DPH6: variants seen among roughly 807,000 people sequenced by gnomAD.
DPH6 encodes diphthine--ammonia ligase.
Under a neutral mutation model 38.2 loss-of-function variants are expected in DPH6, and 33 were observed. The ratio of observed to expected loss-of-function variants is 0.86; its 90% CI spans 0.65 to 1.15. DPH6 has a LOEUF of 1.15. Ranked by LOEUF, DPH6 falls within the 50% of genes most tolerant of loss-of-function variation. The pLI is 0.00. For synonymous variants in DPH6, 108 were observed against 103.0 expected (o/e 1.05, Z -0.30); for missense variants, 325 against 320.0 (o/e 1.02, Z -0.12).
intron 3 of DPH6, among the ~76,000 whole-genome samples, chr15:35,241,565 C>T (rs2051599245): frequency 7.0e-6 from 1 of 142,644 alleles, no homozygotes; most frequent in African/African-American, 2.5e-5. Flanking sequence ...TTATCTGCTT[C>T]CCTGACTATT....
At chr15:35,285,092 G>T (rs1038266292) in intron 3 of DPH6, among the ~76,000 whole-genome samples, 2 of 152,026 alleles carry the variant, frequency 1.3e-5, no homozygotes, top group African/African-American at 4.8e-5. Flanking sequence ...TTACAGGTGT[G>T]AGCCACCATG....
intron 3 of DPH6, among the ~76,000 whole-genome samples, chr15:35,241,063 C>T (rs2051594676): frequency 7.0e-6 from 1 of 143,002 alleles, no homozygotes; most frequent in Non-Finnish European, 1.5e-5. Context: ...GAAATCTGAC[C>T]ACCAGGCCAA....
At chr15:35,234,141 G>A (rs1281243457) in intron 3 of DPH6, among the ~76,000 whole-genome samples, 1 of 152,188 alleles carries the variant, frequency 6.6e-6, no homozygotes, top group African/African-American at 2.4e-5. Flanking sequence ...ATGAAGAAAT[G>A]GCTAGGAAGT....
chr15:35,214,106 C>T (rs1194900117), downstream of DPH6, among the ~76,000 whole-genome samples: 1 of 141,974 alleles, frequency 7.0e-6, no homozygotes, highest in Non-Finnish European at 1.5e-5. Flanking sequence ...AGCGAGACTC[C>T]GTCTCAAAAA....
chr15:35,466,860 T>C (rs2054132616), intron 3 of DPH6, among the ~76,000 whole-genome samples: 1 of 152,110 alleles, frequency 6.6e-6, no homozygotes, highest in Admixed American at 6.5e-5. Flanking sequence ...AAAAGTACAG[T>C]AAAAATACAA....
At chr15:35,317,084 C>T (rs914448523) in intron 3 of DPH6, among the ~76,000 whole-genome samples, 1 of 151,922 alleles carries the variant, frequency 6.6e-6, no homozygotes, top group African/African-American at 2.4e-5. Flanking sequence ...ATGGTGAAAC[C>T]CTATCTCTAC....
chr15:35,446,148 T>C (rs2053849079), intron 5 of DPH6, among the ~76,000 whole-genome samples: 1 of 152,164 alleles, frequency 6.6e-6, no homozygotes. Context: ...ATGATTCATT[T>C]TGTAAACAGA....
At chr15:35,179,009 C>G in the DPH6 span, among the ~76,000 whole-genome samples, 6 of 151,816 alleles carry the variant, frequency 4.0e-5, 1 homozygote, top group Non-Finnish European at 2.9e-5. Flanking sequence ...GAGTTCGAGA[C>G]CAGCCTGACC....
intron 4 of DPH6, 101 bp downstream of exon 4, chr15:35,454,646 T>C (rs1253326194): frequency 1.3e-5 from 13 of 983,062 alleles, no homozygotes; most frequent in Non-Finnish European, 2.0e-5. Flanking sequence ...GCACGTAGAC[T>C]ACCATACCTA....
At chr15:35,181,466 ACT>A in the DPH6 span, among the ~76,000 whole-genome samples, 4 of 126,686 alleles carry the variant, frequency 3.2e-5, no homozygotes, top group African/African-American at 1.1e-4. Flanking sequence ...ATAAAAAAAA[ACT>A]CTGCTTTTTA....
intron 3 of DPH6, among the ~76,000 whole-genome samples, chr15:35,226,566 A>G (rs1187776932): frequency 6.6e-6 from 1 of 152,230 alleles, no homozygotes; most frequent in East Asian, 1.9e-4. Flanking sequence ...TGGACTGAAG[A>G]AACCTGGGAT....
intron 5 of DPH6, among the ~76,000 whole-genome samples, chr15:35,449,610 G>C (rs941259138): frequency 6.6e-6 from 1 of 152,034 alleles, no homozygotes; most frequent in Admixed American, 6.5e-5. Flanking sequence ...ACTCTGTACA[G>C]AGTCACATAG....
At chr15:35,306,096 C>CT (rs2052088651) in intron 3 of DPH6, among the ~76,000 whole-genome samples, 1 of 152,142 alleles carries the variant, frequency 6.6e-6, no homozygotes, top group Non-Finnish European at 1.5e-5. Flanking sequence ...GATTGATGTG[C>CT]TAGTCTGGTG....
chr15:35,236,788 C>T (rs913557347), intron 3 of DPH6, among the ~76,000 whole-genome samples: 2 of 152,052 alleles, frequency 1.3e-5, no homozygotes, highest in Non-Finnish European at 2.9e-5. Flanking sequence ...TAGTTTAGAT[C>T]ATCACCAGTA....
intron 3 of DPH6, chr15:35,282,666 A>G: frequency 2.4e-6 from 1 of 423,714 alleles, no homozygotes; most frequent in Non-Finnish European, 4.9e-6. Flanking sequence ...TTATTTCATA[A>G]TGATAAAACC....
At chr15:35,416,569 C>A (rs1015688224) in intron 5 of DPH6, among the ~76,000 whole-genome samples, 1 of 151,980 alleles carries the variant, frequency 6.6e-6, no homozygotes, top group Non-Finnish European at 1.5e-5. Flanking sequence ...TACTTTAATT[C>A]AACACAGCAT....
chr15:35,162,534 C>A, the DPH6 span, among the ~76,000 whole-genome samples: 1 of 151,886 alleles, frequency 6.6e-6, no homozygotes, highest in East Asian at 1.9e-4. Flanking sequence ...CTCATTCCCT[C>A]ACTTCATCTA....
chr15:35,327,096 C>T (rs2140854375), downstream of DPH6, among the ~76,000 whole-genome samples: 1 of 152,040 alleles, frequency 6.6e-6, no homozygotes, highest in East Asian at 1.9e-4. Context: ...GTGCAAAGGC[C>T]CTATAAAATG....
intron 3 of DPH6, among the ~76,000 whole-genome samples, chr15:35,243,279 C>T (rs1206985921): frequency 0.031 from 4,412 of 141,658 alleles, 566 homozygotes; most frequent in African/African-American, 0.11. Flanking sequence ...CCCCTAATAC[C>T]GCTTGAAGCA....
Sources: gnomAD v4.1 joint callset for allele counts (sites outside exome capture counted in the v4.1 genomes callset) on GRCh38, gnomAD v4.1.1 for gene constraint, MANE v1.5 for transcripts, NCBI Gene and HGNC (gene_info 2026-07-23, HGNC 2026-07-21) for gene names.